LOC400499: variants seen among roughly 807,000 people sequenced by gnomAD.
chr16:11,411,255 G>A, the LOC400499 span: 18 of 399,220 alleles, frequency 4.5e-5, no homozygotes, highest in African/African-American at 2.3e-4. Context: ...CCTTAGCTGA[G>A]GCTGAGGCTG....
chr16:11,375,532 C>T, the LOC400499 span, among the ~76,000 whole-genome samples: 8,737 of 126,180 alleles, frequency 0.069, 423 homozygotes, highest in Middle Eastern at 0.14. Flanking sequence ...AGGCTGGTCT[C>T]GAACTCCTGA....
the LOC400499 span, among the ~76,000 whole-genome samples, chr16:11,434,182 C>A: frequency 2.0e-5 from 3 of 152,028 alleles, no homozygotes; most frequent in African/African-American, 4.8e-5. Flanking sequence ...GTTCTTCCAC[C>A]GTTATGAGAG....
the LOC400499 span, among the ~76,000 whole-genome samples, chr16:11,422,664 G>C: frequency 6.6e-6 from 1 of 152,104 alleles, no homozygotes; most frequent in Non-Finnish European, 1.5e-5. Flanking sequence ...CTCAAACCTG[G>C]GGATACTACC....
the LOC400499 span, among the ~76,000 whole-genome samples, chr16:11,410,683 GCATGCACTCACCTATT>G: frequency 6.9e-6 from 1 of 145,856 alleles, no homozygotes; most frequent in Admixed American, 6.9e-5. Context: ...AACCATTCAT[GCATGCACTCACCTATT>G]CATGCCCTAT....
the LOC400499 span, among the ~76,000 whole-genome samples, chr16:11,491,450 C>T: frequency 6.6e-6 from 1 of 151,902 alleles, no homozygotes; most frequent in Admixed American, 6.6e-5. Context: ...AAACTGAGGA[C>T]CAGAGAGGAG....
At chr16:11,520,349 C>T in the LOC400499 span, among the ~76,000 whole-genome samples, 1 of 152,118 alleles carries the variant, frequency 6.6e-6, no homozygotes, top group African/African-American at 2.4e-5. Flanking sequence ...CAAAACTCAT[C>T]TATGGTGATA....
At chr16:11,387,255 C>G in the LOC400499 span, 1 of 1,232,296 alleles carries the variant, frequency 8.1e-7, no homozygotes, top group Non-Finnish European at 1.0e-6. Context: ...GGCTCGTCCC[C>G]CGCAGGCAAC....
At chr16:11,394,531 T>C in the LOC400499 span, among the ~76,000 whole-genome samples, 1 of 152,256 alleles carries the variant, frequency 6.6e-6, no homozygotes, top group Non-Finnish European at 1.5e-5. Flanking sequence ...CACGTATGTC[T>C]GTTAAGGGTT....
At chr16:11,497,362 GCTGT>G in the LOC400499 span, among the ~76,000 whole-genome samples, 1 of 152,350 alleles carries the variant, frequency 6.6e-6, no homozygotes, top group Non-Finnish European at 1.5e-5. Flanking sequence ...AGAAAACAAA[GCTGT>G]CTGTTTTCTT....
chr16:11,460,066 A>G, the LOC400499 span: 1 of 1,386,670 alleles, frequency 7.2e-7, no homozygotes, highest in Non-Finnish European at 9.4e-7. Context: ...TGGGACACAC[A>G]TGGGTGGTGA....
the LOC400499 span, among the ~76,000 whole-genome samples, chr16:11,521,187 C>T: frequency 3.9e-5 from 6 of 152,136 alleles, no homozygotes; most frequent in African/African-American, 7.2e-5. Flanking sequence ...TACAACAAAA[C>T]GGCTTTGAGA....
At chr16:11,383,878 ACACT>A in the LOC400499 span, 1 of 1,232,182 alleles carries the variant, frequency 8.1e-7, no homozygotes, top group Non-Finnish European at 1.0e-6. Context: ...GGCCAGGCTC[ACACT>A]CACCACCCGG....
At chr16:11,414,222 T>C in the LOC400499 span, 1 of 398,280 alleles carries the variant, frequency 2.5e-6, no homozygotes, top group African/African-American at 2.1e-5. Context: ...TGTCAAGTAC[T>C]GGGGAAACCC....
chr16:11,410,271 C>T, the LOC400499 span, among the ~76,000 whole-genome samples: 2 of 152,108 alleles, frequency 1.3e-5, no homozygotes, highest in African/African-American at 2.4e-5. Context: ...CTGGATATCA[C>T]GGTGAAACCC....
the LOC400499 span, among the ~76,000 whole-genome samples, chr16:11,517,203 C>T: frequency 6.6e-6 from 1 of 152,270 alleles, no homozygotes; most frequent in African/African-American, 2.4e-5. Context: ...CCAAGGGTCC[C>T]TTCCTCTTTC....
At chr16:11,514,195 C>A in the LOC400499 span, among the ~76,000 whole-genome samples, 91 of 152,158 alleles carry the variant, frequency 6.0e-4, no homozygotes, top group Non-Finnish European at 1.2e-4. Flanking sequence ...GCCTGGAGAA[C>A]CTTCTAGAAG....
At chr16:11,391,693 G>C in the LOC400499 span, 12 of 1,231,996 alleles carry the variant, frequency 9.7e-6, no homozygotes, top group African/African-American at 1.6e-5. Flanking sequence ...AGCTGCTCCA[G>C]CCCCACCTGC....
chr16:11,476,740 T>C, the LOC400499 span: 1 of 399,530 alleles, frequency 2.5e-6, no homozygotes, highest in Non-Finnish European at 4.4e-6. Flanking sequence ...CATGGTTCCC[T>C]TCCTGCCGGC....
chr16:11,433,511 C>G, the LOC400499 span, among the ~76,000 whole-genome samples: 3 of 152,106 alleles, frequency 2.0e-5, no homozygotes, highest in African/African-American at 7.2e-5. Context: ...GGTCTCTGTC[C>G]CTAATCCTTG....
Sources: allele counts gnomAD v4.1 joint callset (sites outside exome capture counted in the v4.1 genomes callset), GRCh38; gene constraint gnomAD v4.1.1; transcripts MANE v1.5.